The following VCAN variants were observed in gnomAD, a reference collection of about 807,000 sequenced individuals.
VCAN encodes the protein versican core protein.
In VCAN, 44 loss-of-function variants were observed where a neutral mutation model predicts 245.5. The observed-to-expected ratio is 0.18, with a 90% CI of 0.14 to 0.23. VCAN has a LOEUF of 0.23. Among genes scored for constraint, VCAN ranks in the 10% least tolerant of loss-of-function variants. The probability of loss-of-function intolerance (pLI) is 1.00; values close to 1 mark genes in which losing one functional copy is unlikely to be tolerated. For missense variants in VCAN, 3,793 were observed against 4,057.9 expected, an observed-to-expected ratio of 0.93 and a Z score of 1.77; for synonymous variants, 1,413 against 1,437.0, an observed-to-expected ratio of 0.98 and a Z score of 0.38.
chr5:83,538,123 G>A lies in VCAN; in HGVS notation c.5120G>A (p.Ser1707Asn). The A allele has an allele frequency of 1.9e-6, 3 of 1,614,020 alleles. No homozygotes were observed. Among genetic ancestry groups the A allele is most frequent in the Non-Finnish European group, 1.7e-6 (2 of 1,179,970 alleles). Reference protein sequence around the residue: ...SAKVVPTKFVSETDTSEWISS... With the variant: ...SAKVVPTKFVNETDTSEWISS... ...AAAGTGGTGCCTACCAAGTTTGTAAGTGAAACAGACACTTCTGAGTGGATT... is the reference window on the plus strand; with the variant it reads ...AAAGTGGTGCCTACCAAGTTTGTAAATGAAACAGACACTTCTGAGTGGATT... Residue 1707 changes from serine (S) to asparagine (N), a missense_variant, in exon 8 of 15, where the codon AGT (serine) becomes AAT (asparagine). Transcript: ENST00000265077.
chr5:83,541,319 A>C lies in VCAN; in HGVS notation c.8316A>C (p.Ala2772=), dbSNP rs746964880. The C allele has an allele frequency of 5.0e-6, 8 of 1,613,974 alleles. No homozygotes were observed. Among genetic ancestry groups the C allele is most frequent in the Non-Finnish European group, 6.8e-6 (8 of 1,180,004 alleles). ...AATTCTCTTCAGGAGCTGAGGAGGC[A>C]TTAGTAGACCATACTCCCTATCTAA... is the stretch of plus-strand genomic sequence containing the variant. The part of the protein sequence containing the change: ...QPEFSSGAEE[A]LVDHTPYLSI... The change falls in exon 8 of 15, where the codon GCA becomes GCC. Residue 2772 remains alanine, a synonymous_variant. Coordinates refer to ENST00000265077, the MANE Select transcript of VCAN (RefSeq NM_004385.5).
rs1745693422 is a variant in VCAN, at chr5:83,512,348, A to G, written c.994A>G (p.Thr332Ala). The G allele has an allele frequency of 6.2e-7, 1 of 1,610,336 alleles. No homozygotes were observed. Among genetic ancestry groups the G allele is most frequent in the South Asian group, 1.1e-5 (1 of 90,984 alleles). The change falls in exon 6 of 15, where the codon ACA becomes GCA. Residue 332 changes from threonine (T) to alanine (A), a missense_variant. By Grantham distance (58) the Thr-to-Ala change is moderately conservative. Coordinates refer to ENST00000265077, the MANE Select transcript of VCAN (RefSeq NM_004385.5). ...AACCCTGTATCGTTTTGAGAACCAG[A>G]CAGGCTTCCCTCCCCCTGATAGCAG... The part of the protein sequence containing the change: ...VRTLYRFENQ[T>A]GFPPPDSRFD...
chr5:83,492,580 G>C (rs1745018214), intron 3 of VCAN, among the ~76,000 whole-genome samples: 1 of 152,128 alleles, frequency 6.6e-6, no homozygotes, highest in African/African-American at 2.4e-5. Context: ...CCACCCCCTT[G>C]CTTGCTCTAT....
chr5:83,475,653 C>T (rs1744362709), intron 1 of VCAN, among the ~76,000 whole-genome samples: 1 of 152,142 alleles, frequency 6.6e-6, no homozygotes, highest in Non-Finnish European at 1.5e-5. Flanking sequence ...GTTCTGAGCT[C>T]TGAGTAAAGA....
intron 6 of VCAN, among the ~76,000 whole-genome samples, chr5:83,514,273 TTATTTC>T (rs754808241): frequency 0.086 from 13,049 of 152,220 alleles, 734 homozygotes; most frequent in South Asian, 0.2. Context: ...AGATTCTTAT[TTATTTC>T]CTACTTAAGA....
At chr5:83,546,242 G>GAA (rs201135741) in intron 9 of VCAN, among the ~76,000 whole-genome samples, 6 of 141,488 alleles carry the variant, frequency 4.2e-5, no homozygotes, top group African/African-American at 1.5e-4. Flanking sequence ...TCTCTTTAAA[G>GAA]AAAAAAAAAA....
At chr5:83,502,411 CTCCTGTGTT>C (rs1408939602) in intron 5 of VCAN, among the ~76,000 whole-genome samples, 2 of 152,196 alleles carry the variant, frequency 1.3e-5, no homozygotes, top group African/African-American at 4.8e-5. Flanking sequence ...TAGGCTGATA[CTCCTGTGTT>C]GACCTGAGGT....
At position 83,541,365 on chromosome 5, in the gene VCAN, A is replaced by G. The variant is rs201444192; in HGVS notation, c.8362A>G (p.Met2788Val). The G allele has an allele frequency of 4.4e-5, 71 of 1,614,094 alleles. 1 individual carries two copies. In the East Asian group the frequency reaches 1.3e-3, roughly 30 times the overall value. ...TCTAAGTATTGCTACTACCCACCTT[A>G]TGGATCAGAGTGTAACAGAGGTGCC... ...PYLSIATTHL[M>V]DQSVTEVPDV... The change falls in exon 8 of 15, where the codon ATG becomes GTG. Residue 2788 changes from methionine to valine, a missense_variant. Around this residue, in one of 5 missense-constraint regions of VCAN, gnomAD observed 3,182 missense variants for 3,250.3 expected, o/e 0.98. Coordinates refer to ENST00000265077, the MANE Select transcript of VCAN (RefSeq NM_004385.5).
Position 83,538,719 on chromosome 5 carries a change from A to G in VCAN, c.5716A>G (p.Ile1906Val), listed in dbSNP as rs200520885. Residue 1906 changes from isoleucine (I) to valine (V), a missense_variant, in exon 8 of 15, where the codon ATA becomes GTA. Ile to Val is a conservative substitution (Grantham distance 29). This residue lies in a region of VCAN where 3,182 missense variants were observed against 3,250.3 expected (regional missense o/e 0.98). Coordinates refer to ENST00000265077, the MANE Select transcript of VCAN (RefSeq NM_004385.5). ...AAATATAACCCAAACATCCAGGGAA[A>G]TAGTGATTTCAGAGCGATTAGGAGA... Reference protein sequence around the residue: ...AENITQTSREIVISERLGEPN... With the variant: ...AENITQTSREVVISERLGEPN... The G allele has an allele frequency of 4.6e-5, 75 of 1,613,964 alleles. No individual in the cohort carries two copies. Among genetic ancestry groups the G allele is most frequent in the Non-Finnish European group, 5.3e-5 (62 of 1,179,984 alleles).
In VCAN at chr5:83,521,104, T is replaced by C; in HGVS notation, c.2798T>C (p.Leu933Pro). The change falls in exon 7 of 15, where the codon CTC becomes CCC. Residue 933 changes from leucine (L) to proline (P), a missense_variant. Leu to Pro is a moderately conservative substitution (Grantham distance 98). Coordinates refer to ENST00000265077, the MANE Select transcript of VCAN (RefSeq NM_004385.5). ...TTGGGTGAAGTAGAAGATGTGGACC[T>C]CTCTAAGCCAGTATCTACTGTTCCC... ...SALGEVEDVD[L>P]SKPVSTVPQF... 1 of 1,614,134 alleles carries C rather than the reference T, an allele frequency of 6.2e-7. No individual in the cohort carries two copies. Among genetic ancestry groups the C allele is most frequent in the Non-Finnish European group, 8.5e-7 (1 of 1,179,980 alleles).
At chr5:83,569,009 C>T (rs1238331499) in intron 12 of VCAN, among the ~76,000 whole-genome samples, 21 of 151,978 alleles carry the variant, frequency 1.4e-4, no homozygotes, top group Admixed American at 1.4e-3. Flanking sequence ...TTTACTACCC[C>T]CCATTTCTTT....
intron 12 of VCAN, among the ~76,000 whole-genome samples, chr5:83,555,671 T>A (rs188863394): frequency 7.2e-5 from 11 of 152,290 alleles, no homozygotes; most frequent in Admixed American, 7.2e-4. Context: ...ATAAATCTAA[T>A]TTTTATAAAG....
intron 6 of VCAN, among the ~76,000 whole-genome samples, chr5:83,515,208 A>G (rs772549444): frequency 6.6e-6 from 1 of 152,202 alleles, no homozygotes; most frequent in East Asian, 1.9e-4. Flanking sequence ...ACAATTTTGC[A>G]TATTTAGTTT....
chr5:83,551,311 G>T (rs550881750), intron 10 of VCAN, among the ~76,000 whole-genome samples: 51 of 152,158 alleles, frequency 3.4e-4, no homozygotes, highest in African/African-American at 1.2e-3. Flanking sequence ...AGGTGTTCAA[G>T]ACCAGCCTGG....
chr5:83,483,459 C>G, intron 1 of VCAN, 54 bp from the exon 2 acceptor site: 1 of 1,434,936 alleles, frequency 7.0e-7, no homozygotes, highest in Non-Finnish European at 9.8e-7. Context: ...TGATTTATGA[C>G]CCACTTTAAA....
At chr5:83,534,692 GT>G (rs1244313288) in intron 7 of VCAN, among the ~76,000 whole-genome samples, 1 of 152,058 alleles carries the variant, frequency 6.6e-6, no homozygotes, top group Non-Finnish European at 1.5e-5. Context: ...GTACTGAATA[GT>G]TTAACTGAGT....
intron 5 of VCAN, among the ~76,000 whole-genome samples, chr5:83,511,178 G>A (rs554000082): frequency 2.6e-5 from 4 of 151,176 alleles, no homozygotes; most frequent in Admixed American, 6.6e-5. Flanking sequence ...GTCTCGCTGT[G>A]TCGCCCAGGC....
At chr5:83,552,623 A>C (rs1213566645) in intron 10 of VCAN, among the ~76,000 whole-genome samples, 1 of 152,004 alleles carries the variant, frequency 6.6e-6, no homozygotes, top group Non-Finnish European at 1.5e-5. Context: ...TATCAGTTAT[A>C]GTGTGCTTAT....
Position 83,540,020 on chromosome 5 carries a change from T to C in VCAN, c.7017T>C (p.Thr2339=), listed in dbSNP as rs1746903811. 1.2e-6 allele frequency: 2 copies of C among 1,613,934 alleles called. No individual in the cohort carries two copies. The highest frequency in any genetic ancestry group is 2.2e-5 in the South Asian group (2 of 91,086). ...CATTAATAGAAATTTTAAGTGACAC[T>C]GGAGCAGAAGGACCCACGGTGGCAC... The part of the protein sequence containing the change: ...STTLIEILSD[T]GAEGPTVAPL... Residue 2339 remains threonine, a synonymous_variant, in exon 8 of 15, where the codon ACT becomes ACC. Coordinates refer to ENST00000265077, the MANE Select transcript of VCAN (RefSeq NM_004385.5).
Sources: allele counts gnomAD v4.1 joint callset (sites outside exome capture counted in the v4.1 genomes callset), GRCh38; gene constraint gnomAD v4.1.1; regional missense constraint gnomAD v4.1.1; transcripts MANE v1.5; gene names NCBI Gene and HGNC (gene_info 2026-07-23, HGNC 2026-07-21).